Variants in RABGAP1L observed in about 807,000 individuals in gnomAD.
The protein encoded by RABGAP1L is rab GTPase-activating protein 1-like.
A neutral mutation model predicts 137.7 loss-of-function variants in RABGAP1L; 63 were observed. The observed-to-expected ratio is 0.46, with a 90% CI of 0.37 to 0.56. The LOEUF is 0.56. Among genes scored for constraint, RABGAP1L ranks in the 20% least tolerant of loss-of-function variants. The pLI is 0.00. For synonymous variants in RABGAP1L, 431 were observed against 433.7 expected, an observed-to-expected ratio of 0.99 and a Z score of 0.08; for missense variants, 1,095 against 1,244.0, an observed-to-expected ratio of 0.88 and a Z score of 1.80.
intron 7 of RABGAP1L, among the ~76,000 whole-genome samples, chr1:174,269,523 G>A (rs1329087314): frequency 6.6e-6 from 1 of 152,150 alleles, no homozygotes; most frequent in Non-Finnish European, 1.5e-5. Context: ...CAGTTTTATC[G>A]TTTGTTGTAT....
intron 19 of RABGAP1L, among the ~76,000 whole-genome samples, chr1:174,856,397 T>TAAAAAA (rs150232187): frequency 1.7e-5 from 2 of 115,208 alleles, no homozygotes; most frequent in African/African-American, 2.7e-5. Flanking sequence ...TCCCTCTCAA[T>TAAAAAA]AAAAAAAAAA....
intron 4 of RABGAP1L, among the ~76,000 whole-genome samples, chr1:174,238,296 G>C (rs566884005): frequency 2.6e-5 from 4 of 152,204 alleles, no homozygotes; most frequent in African/African-American, 9.7e-5. Context: ...ATCCAGGTTT[G>C]TTCCGTTGCC....
intron 1 of RABGAP1L, among the ~76,000 whole-genome samples, chr1:174,171,029 A>T (rs1284301203): frequency 1.3e-5 from 2 of 152,190 alleles, no homozygotes; most frequent in African/African-American, 4.8e-5. Flanking sequence ...GGTTCAAGGG[A>T]TCTGTGAGTG....
intron 17 of RABGAP1L, among the ~76,000 whole-genome samples, chr1:174,711,933 C>T (rs2861006): frequency 0.21 from 32,378 of 152,144 alleles, 3,759 homozygotes; most frequent in Admixed American, 0.25. Context: ...CCAGTCAGCA[C>T]TGTGTCTAGC....
intron 18 of RABGAP1L, among the ~76,000 whole-genome samples, chr1:174,802,010 T>A (rs528540355): frequency 6.6e-6 from 1 of 152,204 alleles, no homozygotes; most frequent in African/African-American, 2.4e-5. Context: ...ACATTTTCAG[T>A]GTTTTGAAGG....
At chr1:174,885,067 C>A (rs997276430) in intron 19 of RABGAP1L, among the ~76,000 whole-genome samples, 2 of 152,196 alleles carry the variant, frequency 1.3e-5, no homozygotes, top group Non-Finnish European at 2.9e-5. Context: ...TCTCAAACCT[C>A]ATTTTTCTCA....
In RABGAP1L at chr1:174,808,347, G is replaced by A. The variant is rs71645216; in HGVS notation, c.2212-3485G>A. 7.0e-3 allele frequency among the ~76,000 whole-genome samples: 1,059 copies of A among 152,050 alleles called. 5 individuals are homozygous for A. Among genetic ancestry groups the A allele is most frequent in the Non-Finnish European group, 9.5e-3 (648 of 67,988 alleles). On this transcript the variant is annotated intron_variant, in intron 18 of 25. Coordinates refer to ENST00000681986, the MANE Select transcript of RABGAP1L (RefSeq NM_001366446.1). The stretch of plus-strand genomic sequence containing the variant: ...CACACGCATGTAGTCCTGGCTACTC[G>A]GGAGCCTAAGATGGGAAGGTTTCTT...
At chr1:174,416,546 T>C (rs1650611770) in intron 13 of RABGAP1L, among the ~76,000 whole-genome samples, 1 of 152,182 alleles carries the variant, frequency 6.6e-6, no homozygotes. Context: ...GGAAGGCTTC[T>C]TAACTTCTAA....
intron 3 of RABGAP1L, among the ~76,000 whole-genome samples, chr1:174,223,876 T>C (rs1378077906): frequency 6.6e-6 from 1 of 152,160 alleles, no homozygotes; most frequent in Non-Finnish European, 1.5e-5. Context: ...AGTGAATCAC[T>C]AGAACAGGGT....
At chr1:174,324,958 A>C (rs1435632315) in intron 11 of RABGAP1L, among the ~76,000 whole-genome samples, 6 of 152,240 alleles carry the variant, frequency 3.9e-5, no homozygotes, top group Non-Finnish European at 8.8e-5. Flanking sequence ...GATTGACTAA[A>C]GATAAGGAAG....
intron 19 of RABGAP1L, among the ~76,000 whole-genome samples, chr1:174,817,103 GA>G (rs1438038017): frequency 6.6e-6 from 1 of 151,970 alleles, no homozygotes; most frequent in African/African-American, 2.4e-5. Flanking sequence ...CCATATTTAC[GA>G]TGGACTTCAG....
chr1:174,506,298 A>G (rs1389960369), intron 13 of RABGAP1L, among the ~76,000 whole-genome samples: 4 of 152,228 alleles, frequency 2.6e-5, no homozygotes, highest in Admixed American at 6.5e-5. Flanking sequence ...CATATTGTCT[A>G]TAGCCACTCT....
intron 20 of RABGAP1L, chr1:174,964,979 T>C (rs1669489822): frequency 3.3e-6 from 5 of 1,497,526 alleles, no homozygotes; most frequent in Non-Finnish European, 4.5e-6. Context: ...CTATGACTTT[T>C]GAGGAGGTAA....
intron 19 of RABGAP1L, among the ~76,000 whole-genome samples, chr1:174,914,820 C>CA (rs1404366397): frequency 6.6e-6 from 1 of 152,126 alleles, no homozygotes; most frequent in African/African-American, 2.4e-5. Context: ...CATTTGCAGT[C>CA]AGCCCTCATC....
intron 13 of RABGAP1L, among the ~76,000 whole-genome samples, chr1:174,628,007 GA>G (rs1475871312): frequency 1.3e-5 from 2 of 152,068 alleles, no homozygotes; most frequent in Non-Finnish European, 1.5e-5. Flanking sequence ...AGTAATGATG[GA>G]AATGGTGACT....
At chr1:174,900,281 G>T (rs1310229976) in intron 19 of RABGAP1L, among the ~76,000 whole-genome samples, 1 of 152,186 alleles carries the variant, frequency 6.6e-6, no homozygotes, top group African/African-American at 2.4e-5. Context: ...GTGGGAGCGG[G>T]CCTGATCATA....
In RABGAP1L at chr1:174,595,898, C is replaced by T. The variant is rs1208634157; in HGVS notation, c.1711-41477C>T. ...TGGGCTCCACCCAGTTCGAGCTTCCCTGCTGCTTTGTTTACCTAAGCAAGC... is the reference window on the plus strand; with the variant it reads ...TGGGCTCCACCCAGTTCGAGCTTCCTTGCTGCTTTGTTTACCTAAGCAAGC... On this transcript the variant is annotated intron_variant, in intron 13 of 25. Transcript: ENST00000681986. Among the ~76,000 whole-genome samples the T allele has an allele frequency of 5.6e-5, 6 of 107,780 alleles. No individual in the cohort carries two copies. The South Asian group carries it at 1.7e-3, about 31-fold the overall frequency. The allele number at this position is 107,780 out of a possible 152,430, so 70.7% of individuals were successfully genotyped here. A position where few individuals can be genotyped will look rare whatever the true frequency, so the allele number is the denominator to read the frequency against.
At chr1:174,766,261 C>T (rs1312064359) in intron 18 of RABGAP1L, among the ~76,000 whole-genome samples, 1 of 152,174 alleles carries the variant, frequency 6.6e-6, no homozygotes, top group Non-Finnish European at 1.5e-5. Flanking sequence ...AGTCTGATTC[C>T]TTTTTATGAC....
chr1:174,576,789 A>T (rs1369717347), intron 13 of RABGAP1L, among the ~76,000 whole-genome samples: 1 of 152,160 alleles, frequency 6.6e-6, no homozygotes, highest in Admixed American at 6.6e-5. Flanking sequence ...ATTAATTCTA[A>T]CCACTGATGT....
Sources: allele counts gnomAD v4.1 joint callset (sites outside exome capture counted in the v4.1 genomes callset), GRCh38; gene constraint gnomAD v4.1.1; transcripts MANE v1.5; gene names NCBI Gene and HGNC (gene_info 2026-07-23, HGNC 2026-07-21).